IRS1: variants seen among roughly 807,000 people sequenced by gnomAD.
The protein encoded by IRS1 is insulin receptor substrate 1.
A neutral mutation model predicts 65.6 loss-of-function variants in IRS1; 34 were observed. The ratio of observed to expected loss-of-function variants is 0.52; its 90% CI spans 0.39 to 0.69. IRS1 has a LOEUF of 0.69. Ranked by LOEUF, IRS1 falls within the 30% of genes least tolerant of loss-of-function variation. The pLI is 0.00. For synonymous variants in IRS1, 699 were observed against 683.5 expected, an observed-to-expected ratio of 1.02 and a Z score of -0.35; for missense variants, 1,641 against 1,720.2, an observed-to-expected ratio of 0.95 and a Z score of 0.81.
At chr2:226,792,608 AACAG>A (rs1255883025) in intron 1 of IRS1, among the ~76,000 whole-genome samples, 1 of 152,216 alleles carries the variant, frequency 6.6e-6, no homozygotes, top group Non-Finnish European at 1.5e-5. Context: ...TTCTCCTCTT[AACAG>A]ACAATGAAAA....
intron 1 of IRS1, among the ~76,000 whole-genome samples, chr2:226,774,160 G>C (rs946937145): frequency 2.6e-5 from 4 of 152,148 alleles, no homozygotes; most frequent in Non-Finnish European, 5.9e-5. Flanking sequence ...CCCGAGACTT[G>C]AGAGTCCGTT....
chr2:226,750,738 C>T (rs1938661701), intron 1 of IRS1, among the ~76,000 whole-genome samples: 1 of 152,132 alleles, frequency 6.6e-6, no homozygotes, highest in African/African-American at 2.4e-5. Flanking sequence ...TTAAGCCATA[C>T]TAAAGAAAAG....
chr2:226,755,286 C>T (rs138933981), intron 1 of IRS1, among the ~76,000 whole-genome samples: 12 of 152,328 alleles, frequency 7.9e-5, no homozygotes, highest in African/African-American at 2.2e-4. Flanking sequence ...AGCTGCATCT[C>T]GCCTCCCAGT....
intron 1 of IRS1, among the ~76,000 whole-genome samples, chr2:226,767,045 A>G (rs1939066009): frequency 6.6e-6 from 1 of 152,230 alleles, no homozygotes; most frequent in South Asian, 2.1e-4. Flanking sequence ...AATGAAGGTC[A>G]AAGCAAACTC....
At chr2:226,741,442 G>A (rs959730768) in intron 1 of IRS1, among the ~76,000 whole-genome samples, 4 of 152,096 alleles carry the variant, frequency 2.6e-5, no homozygotes, top group Non-Finnish European at 5.9e-5. Context: ...AAAATATTTG[G>A]AAGAGCCAGG....
chr2:226,741,929 A>G (rs1474724370), intron 1 of IRS1, among the ~76,000 whole-genome samples: 1 of 152,148 alleles, frequency 6.6e-6, no homozygotes, highest in African/African-American at 2.4e-5. Flanking sequence ...AAATCCCACT[A>G]TAAAATCTCA....
At position 226,798,157 on chromosome 2, in the gene IRS1, G is replaced by A. The variant is rs1939788244; in HGVS notation, c.582C>T (p.Phe194=). The A allele has an allele frequency of 5.6e-6, 9 of 1,613,980 alleles. No homozygotes were observed. Among genetic ancestry groups the A allele is most frequent in the Non-Finnish European group, 7.6e-6 (9 of 1,180,034 alleles). ...RLCLTSKTIS[F]VKLNSEAAAV... ...CCGCTGCCTCCGAGTTCAGCTTCAC[G>A]AAGCTGATGGTCTTGCTGGTCAGGC... Residue 194 remains phenylalanine (F), a synonymous_variant, in exon 1 of 2, where the codon TTC becomes TTT. Coordinates refer to ENST00000305123, the MANE Select transcript of IRS1 (RefSeq NM_005544.3). This position sits in a 1 kb window ranked among gnomAD's most constrained non-coding sequence, Gnocchi z 9.4.
chr2:226,797,364 C>T lies in IRS1; in HGVS notation c.1375G>A (p.Glu459Lys), dbSNP rs1483023983. The stretch of plus-strand genomic sequence containing the variant: ...CAGATATAGTTGCTTAGCTCCTCCT[C>T]ACCGCGGGCTGGTGGGGTGTGGCCC... Reference protein sequence around the residue: ...SLGHTPPARGEEELSNYICMG... With the variant: ...SLGHTPPARGKEELSNYICMG... The change falls in exon 1 of 2, where the codon GAG becomes AAG. Residue 459 changes from glutamate (E) to lysine (K), a missense_variant. Glu to Lys is a moderately conservative substitution (Grantham distance 56). Coordinates refer to ENST00000305123, the MANE Select transcript of IRS1 (RefSeq NM_005544.3). This position sits in a 1 kb window ranked among gnomAD's most constrained non-coding sequence, Gnocchi z 8.1. 3.7e-6 allele frequency: 6 copies of T among 1,613,186 alleles called. No individual in the cohort carries two copies. The South Asian group carries it at 5.5e-5, about 15-fold the overall frequency.
chr2:226,740,865 AAT>A (rs1054637024), intron 1 of IRS1, among the ~76,000 whole-genome samples: 3 of 152,166 alleles, frequency 2.0e-5, no homozygotes, highest in African/African-American at 7.2e-5. Context: ...ACCTTTTTTC[AAT>A]AGAGGTCATT....
intron 1 of IRS1, among the ~76,000 whole-genome samples, chr2:226,760,639 G>A (rs1245804441): frequency 6.6e-6 from 1 of 151,984 alleles, no homozygotes; most frequent in Non-Finnish European, 1.5e-5. Flanking sequence ...CACAAAAGAT[G>A]AACAAGTGCA....
chr2:226,745,428 T>C (rs996998078), intron 1 of IRS1, among the ~76,000 whole-genome samples: 1 of 152,264 alleles, frequency 6.6e-6, no homozygotes, highest in African/African-American at 2.4e-5. Flanking sequence ...ATGGCTGTCA[T>C]GCTTTTTAAA....
intron 1 of IRS1, among the ~76,000 whole-genome samples, chr2:226,761,511 T>C (rs1938914006): frequency 6.6e-6 from 1 of 152,158 alleles, no homozygotes; most frequent in African/African-American, 2.4e-5. Context: ...TTTCCTACTT[T>C]GCTATATTCC....
In IRS1 at chr2:226,799,001, G is replaced by A. The variant is rs1939828873; in HGVS notation, c.-263C>T. On this transcript the variant is annotated 5_prime_UTR_variant, in exon 1 of 2. Coordinates refer to ENST00000305123, the MANE Select transcript of IRS1 (RefSeq NM_005544.3). This position sits in a 1 kb window ranked among gnomAD's most constrained non-coding sequence, Gnocchi z 6.1. ...AGGCAGTGCGTCCGGGGTGAGGGCA[G>A]CCCCGATCCTCCGAGAGCCAAGTCT... is the stretch of plus-strand genomic sequence containing the variant. 5 of 1,426,860 alleles carry A rather than the reference G, an allele frequency of 3.5e-6. No homozygotes were observed. In the African/African-American group the frequency reaches 7.2e-5, roughly 21 times the overall value. The allele number at this position is 1,426,860 out of a possible 1,614,324, so 88.4% of individuals were successfully genotyped here.
intron 1 of IRS1, among the ~76,000 whole-genome samples, chr2:226,740,256 TCAC>T (rs1411982215): frequency 6.6e-6 from 1 of 152,230 alleles, no homozygotes; most frequent in Non-Finnish European, 1.5e-5. Context: ...CAAAATTTCA[TCAC>T]CACATCAGTA....
intron 1 of IRS1, among the ~76,000 whole-genome samples, chr2:226,745,085 G>A (rs927228370): frequency 3.3e-5 from 5 of 152,126 alleles, no homozygotes; most frequent in African/African-American, 9.7e-5. Context: ...AAGAATATCT[G>A]TTATGGAAAT....
chr2:226,754,211 T>C (rs1938747867), intron 1 of IRS1, among the ~76,000 whole-genome samples: 2 of 152,330 alleles, frequency 1.3e-5, no homozygotes, highest in East Asian at 3.9e-4. Flanking sequence ...TTAATATTGA[T>C]GACAATGGTT....
chr2:226,765,624 C>T (rs1320234730), intron 1 of IRS1, among the ~76,000 whole-genome samples: 1 of 152,132 alleles, frequency 6.6e-6, no homozygotes, highest in Non-Finnish European at 1.5e-5. Context: ...TTTCCACCTG[C>T]CTACTCAACA....
intron 1 of IRS1, among the ~76,000 whole-genome samples, chr2:226,779,077 C>T (rs1318253273): frequency 6.6e-6 from 1 of 152,284 alleles, no homozygotes; most frequent in Non-Finnish European, 1.5e-5. Flanking sequence ...TCACTAACTC[C>T]TTATTGTACC....
At chr2:226,791,152 A>T (rs924841794) in intron 1 of IRS1, among the ~76,000 whole-genome samples, 3 of 152,108 alleles carry the variant, frequency 2.0e-5, no homozygotes, top group African/African-American at 7.2e-5. Flanking sequence ...GGCACTTTCA[A>T]GCCAAAGGAA....
Sources: gnomAD v4.1 joint callset for allele counts (sites outside exome capture counted in the v4.1 genomes callset) on GRCh38, gnomAD v4.1.1 for gene constraint, Gnocchi (gnomAD v3.1) non-coding constraint, MANE v1.5 for transcripts, NCBI Gene and HGNC (gene_info 2026-07-23, HGNC 2026-07-21) for gene names.